The following ZNF333 variants were observed in gnomAD, a reference collection of about 807,000 sequenced individuals.
ZNF333 encodes zinc finger protein 333.
A neutral mutation model predicts 76.1 loss-of-function variants in ZNF333; 61 were observed. That is an observed-to-expected ratio of 0.80 (90% CI 0.65 to 0.99). ZNF333 has a LOEUF of 0.99. Ranked by LOEUF, ZNF333 falls within the 50% of genes least tolerant of loss-of-function variation. The pLI is 0.00. For missense variants in ZNF333, 717 were observed against 822.4 expected, an observed-to-expected ratio of 0.87 and a Z score of 1.57; for synonymous variants, 284 against 305.0, an observed-to-expected ratio of 0.93 and a Z score of 0.72.
At chr19:14,711,965 G>T (rs2042289367) in intron 7 of ZNF333, among the ~76,000 whole-genome samples, 1 of 152,188 alleles carries the variant, frequency 6.6e-6, no homozygotes, top group Admixed American at 6.5e-5. Flanking sequence ...CCTCAGGATG[G>T]GGCACTCTGA....
exon 12 of ZNF333, chr19:14,732,641 G>T (rs2042682786): frequency 6.6e-6 from 1 of 152,146 alleles, no homozygotes; most frequent in Admixed American, 6.6e-5. Flanking sequence ...TTTCAAATGG[G>T]TGAAAACAAA....
At chr19:14,703,000 C>G (rs889251681) in intron 5 of ZNF333, among the ~76,000 whole-genome samples, 1 of 151,382 alleles carries the variant, frequency 6.6e-6, no homozygotes, top group Non-Finnish European at 1.5e-5. Flanking sequence ...GTCAGGAGAT[C>G]GAGACCATCC....
intron 7 of ZNF333, 51 bp from the exon 8 acceptor site, chr19:14,715,331 G>T (rs768824843): frequency 6.4e-7 from 1 of 1,560,840 alleles, no homozygotes; most frequent in African/African-American, 1.4e-5. Context: ...GCCTGTGAGT[G>T]TGCCCAGTAG....
chr19:14,719,441 T>G lies in ZNF333; in HGVS notation c.*116T>G. On this transcript the variant is annotated 3_prime_UTR_variant, in exon 12 of 12. Transcript: ENST00000292530. Reference sequence around the variant, plus strand: ...TTTCATTTTGGTTTAATTGTAAGTATTGTCTTAACCTCCATTATCGTTTAT... The same window carrying G: ...TTTCATTTTGGTTTAATTGTAAGTAGTGTCTTAACCTCCATTATCGTTTAT... 8.0e-7 allele frequency: 1 copy of G among 1,247,526 alleles called. No individual in the cohort carries two copies. The allele number at this position is 1,247,526 out of a possible 1,614,324, so 77.3% of individuals were successfully genotyped here. A position where few individuals can be genotyped will look rare whatever the true frequency, so the allele number is the denominator to read the frequency against.
rs567837665 is a variant in ZNF333 at position 14,706,884 on chromosome 19, C to G, written c.511+111C>G. ...CATTTCCTCTGACTGCAGGCACTGC[C>G]GTGGCACCATAGAGAGGATACAGAA... is the stretch of plus-strand genomic sequence containing the variant. On this transcript the variant is annotated intron_variant, in intron 7 of 11. Transcript: ENST00000292530. The G allele has an allele frequency of 4.6e-6, 4 of 873,488 alleles. No individual in the cohort carries two copies. The Admixed American group carries it at 7.9e-5, about 17-fold the overall frequency. The allele number at this position is 873,488 out of a possible 1,614,324, so 54.1% of individuals were successfully genotyped here. A position where few individuals can be genotyped will look rare whatever the true frequency, so the allele number is the denominator to read the frequency against.
At position 14,721,342 on chromosome 19, in the gene ZNF333, G is replaced by A. The variant is rs542932936; in HGVS notation, c.*2017G>A. 7 of 122,380 alleles carry A rather than the reference G, an allele frequency of 5.7e-5. No individual in the cohort carries two copies. The East Asian group carries it at 1.5e-3, about 26-fold the overall frequency. 7.6% of individuals were successfully genotyped at this position (122,380 alleles called of 1,614,324 possible). On this transcript the variant is annotated 3_prime_UTR_variant, in exon 12 of 12. Transcript: ENST00000292530. ...TCTCTTAGGTATAACTTACATAAAC[G>A]TTAATAAATCTTAGGGTACACCTTG...
intron 6 of ZNF333, chr19:14,706,382 C>G (rs559024607): frequency 9.5e-4 from 397 of 417,522 alleles, no homozygotes; most frequent in Non-Finnish European, 1.5e-3. Flanking sequence ...CACCCCTCAA[C>G]CTCCTGGCCA....
chr19:14,731,124 C>A, intron 11 of ZNF333: 1 of 1,498,954 alleles, frequency 6.7e-7, no homozygotes, highest in South Asian at 1.2e-5. Flanking sequence ...TTTATTCATT[C>A]AATTTCTCTT....
intron 11 of ZNF333, among the ~76,000 whole-genome samples, chr19:14,729,156 G>A (rs564289587): frequency 6.6e-6 from 1 of 152,252 alleles, no homozygotes; most frequent in East Asian, 1.9e-4. Flanking sequence ...ATAGAGACAA[G>A]GAAGTTAACA....
intron 4 of ZNF333, among the ~76,000 whole-genome samples, chr19:14,697,038 C>T (rs548602099): frequency 2.0e-5 from 3 of 152,130 alleles, no homozygotes; most frequent in African/African-American, 7.2e-5. Context: ...TGCCCGGCCA[C>T]CTAATCACCT....
chr19:14,727,394 G>A (rs1174521085), intron 11 of ZNF333, among the ~76,000 whole-genome samples: 1 of 152,172 alleles, frequency 6.6e-6, no homozygotes, highest in Non-Finnish European at 1.5e-5. Flanking sequence ...ACATCTGCTT[G>A]TCTTCTGGTG....
chr19:14,732,156 G>T (rs2042676840), exon 12 of ZNF333: 1 of 152,072 alleles, frequency 6.6e-6, no homozygotes. Flanking sequence ...TCATTTCATT[G>T]CCCTTCACAG....
intron 7 of ZNF333, chr19:14,715,023 T>C: frequency 6.2e-6 from 1 of 160,810 alleles, no homozygotes; most frequent in Non-Finnish European, 1.2e-5. Context: ...TCTTGGGATA[T>C]GGAATGAAGG....
chr19:14,698,356 A>C (rs1441697278), intron 4 of ZNF333, among the ~76,000 whole-genome samples: 1 of 139,754 alleles, frequency 7.2e-6, no homozygotes, highest in Non-Finnish European at 1.5e-5. Context: ...CCTGGGCGAC[A>C]GAGTGAGACT....
chr19:14,722,700 C>A (rs923984368), downstream of ZNF333, among the ~76,000 whole-genome samples: 6 of 152,116 alleles, frequency 3.9e-5, no homozygotes, highest in African/African-American at 1.2e-4. Context: ...GGCTTACCCC[C>A]TATGTTTTCT....
chr19:14,699,217 A>C lies in ZNF333; in HGVS notation c.242A>C (p.Lys81Thr). 6.2e-7 allele frequency: 1 copy of C among 1,613,774 alleles called. No individual in the cohort carries two copies. Residue 81 changes from lysine to threonine, a missense_variant, in exon 5 of 12, where the codon AAA (lysine) becomes ACA (threonine). Transcript: ENST00000292530. ...ATTTCAGCCTGGGAATCTCAACTTA[A>C]ACCCGAAGAGTTGCCTTCTATGCAG... ...ATGVAWESQL[K>T]PEELPSMQDL...
downstream of ZNF333, among the ~76,000 whole-genome samples, chr19:14,726,025 C>T (rs756644421): frequency 1.3e-5 from 2 of 152,144 alleles, no homozygotes; most frequent in African/African-American, 2.4e-5. Flanking sequence ...TCCTGGGCAC[C>T]GTGGCTTTTC....
chr19:14,733,671 ACT>A (rs2042700889), exon 12 of ZNF333: 1 of 152,102 alleles, frequency 6.6e-6, no homozygotes, highest in Non-Finnish European at 1.5e-5. Flanking sequence ...TGTAGAAAAG[ACT>A]CTAACCTAAT....
intron 3 of ZNF333, 108 bp downstream of exon 3, chr19:14,695,241 G>A (rs747789125): frequency 2.8e-5 from 39 of 1,413,622 alleles, no homozygotes; most frequent in Non-Finnish European, 1.5e-5. Flanking sequence ...GGCACTTAGC[G>A]TCCACAGGAT....
Sources: gnomAD v4.1 joint callset for allele counts (sites outside exome capture counted in the v4.1 genomes callset) on GRCh38, gnomAD v4.1.1 for gene constraint, MANE v1.5 for transcripts, NCBI Gene and HGNC (gene_info 2026-07-23, HGNC 2026-07-21) for gene names.